The following UTRN variants were observed in gnomAD, a reference collection of about 807,000 sequenced individuals.
UTRN encodes dystrophin-related protein 1.
Under a neutral mutation model 463.9 loss-of-function variants are expected in UTRN, and 283 were observed. The observed-to-expected ratio is 0.61, with a 90% confidence interval of 0.55 to 0.67. The LOEUF is 0.67. UTRN is among the 30% of genes least tolerant of loss of function. The probability of loss-of-function intolerance (pLI) is 0.00; values close to 1 mark genes in which losing one functional copy is unlikely to be tolerated. For synonymous variants in UTRN, 1,442 were observed against 1,431.5 expected (o/e 1.01, Z -0.17); for missense variants, 3,922 against 4,084.3 (o/e 0.96, Z 1.08).
At chr6:144,465,421 T>C (rs1013565011) in intron 23 of UTRN, among the ~76,000 whole-genome samples, 10 of 152,210 alleles carry the variant, frequency 6.6e-5, no homozygotes, top group Non-Finnish European at 5.9e-5. Flanking sequence ...CTTGGAAATA[T>C]TTATTTCCAT....
intron 27 of UTRN, among the ~76,000 whole-genome samples, chr6:144,484,249 T>C (rs1191615469): frequency 6.6e-6 from 1 of 152,032 alleles, no homozygotes; most frequent in Non-Finnish European, 1.5e-5. Context: ...AAAATGTGGC[T>C]CTCTTATATT....
intron 51 of UTRN, among the ~76,000 whole-genome samples, chr6:144,623,901 A>G (rs1211508457): frequency 1.3e-5 from 2 of 152,198 alleles, no homozygotes; most frequent in African/African-American, 4.8e-5. Flanking sequence ...TAGAGGGCAG[A>G]TAAAACTATA....
chr6:144,643,612 C>T (rs1481129800), intron 51 of UTRN, among the ~76,000 whole-genome samples: 1 of 152,024 alleles, frequency 6.6e-6, no homozygotes, highest in African/African-American at 2.4e-5. Flanking sequence ...GCCCGGCCAA[C>T]ATGGTGAAAC....
intron 72 of UTRN, among the ~76,000 whole-genome samples, chr6:144,839,986 C>T (rs747268339): frequency 1.3e-5 from 2 of 151,830 alleles, no homozygotes; most frequent in Non-Finnish European, 2.9e-5. Context: ...GCCTGTAATC[C>T]CAGCTCTTTG....
intron 49 of UTRN, among the ~76,000 whole-genome samples, chr6:144,556,227 T>C (rs1016565869): frequency 5.3e-5 from 8 of 152,148 alleles, no homozygotes; most frequent in Non-Finnish European, 1.0e-4. Flanking sequence ...CAATCGAAAA[T>C]GTGGAAGTAT....
intron 2 of UTRN, among the ~76,000 whole-genome samples, chr6:144,356,844 AAT>A (rs1161967535): frequency 7.0e-6 from 1 of 142,786 alleles, no homozygotes; most frequent in South Asian, 2.3e-4. Context: ...TAAATAAATA[AAT>A]ATATGTGTGT....
intron 65 of UTRN, among the ~76,000 whole-genome samples, chr6:144,815,035 A>G (rs148779641): frequency 7.9e-4 from 121 of 152,364 alleles, no homozygotes; most frequent in African/African-American, 2.9e-3. Flanking sequence ...ACATCTTGTA[A>G]TAGTAGCTAA....
chr6:144,801,918 G>A (rs1176029034), intron 64 of UTRN, among the ~76,000 whole-genome samples: 1 of 152,100 alleles, frequency 6.6e-6, no homozygotes, highest in African/African-American at 2.4e-5. Context: ...CCTCTTCCCA[G>A]CTAACTCAGT....
intron 11 of UTRN, 116 bp downstream of exon 11, chr6:144,437,862 A>G (rs536269847): frequency 9.3e-7 from 1 of 1,074,020 alleles, no homozygotes; most frequent in African/African-American, 1.6e-5. Context: ...GCCTTGGAAA[A>G]GTAAGACTCT....
chr6:144,583,852 G>C (rs1802210281), intron 51 of UTRN, among the ~76,000 whole-genome samples: 1 of 152,072 alleles, frequency 6.6e-6, no homozygotes, highest in Non-Finnish European at 1.5e-5. Context: ...GAAATGTTTG[G>C]AGAAAATATG....
At position 144,305,289 on chromosome 6, in the gene UTRN, A is replaced by T. The variant is rs1375803517; in HGVS notation, c.79+13382A>T. ...GAATGGTACTGTATATAAAGCTCAT[A>T]TACCTGCAGAAATTGCCCTGCAGTG... On this transcript the variant is annotated intron_variant, in intron 2 of 74. Coordinates refer to ENST00000367545, the MANE Select transcript of UTRN (RefSeq NM_007124.3). 2.0e-5 allele frequency among the ~76,000 whole-genome samples: 3 copies of T among 152,238 alleles called. No homozygotes were observed. The East Asian group carries it at 5.8e-4, about 29-fold the overall frequency.
chr6:144,708,408 CCT>C (rs1785309877), intron 53 of UTRN: 1 of 630,548 alleles, frequency 1.6e-6, no homozygotes, highest in East Asian at 3.6e-5. Flanking sequence ...TTGCCTTTGG[CCT>C]CTCATATTTT....
Position 144,838,147 on chromosome 6 carries a change from A to G in UTRN, c.10066-1026A>G, listed in dbSNP as rs150316733. On this transcript the variant is annotated intron_variant, in intron 71 of 74. Transcript: ENST00000367545. ...GCTGTGCTCAAAACCTTTATTTGCCATGGCTGGTTGATGCCCACAGGAGAG... is the reference window on the plus strand; with the variant it reads ...GCTGTGCTCAAAACCTTTATTTGCCGTGGCTGGTTGATGCCCACAGGAGAG... Among the ~76,000 whole-genome samples, 648 of 152,342 alleles carry G rather than the reference A, an allele frequency of 4.3e-3. 2 individuals are homozygous for G. Among genetic ancestry groups the G allele is most frequent in the Admixed American group, 8.8e-3 (135 of 15,304 alleles).
At chr6:144,631,811 A>G (rs1198950970) in intron 51 of UTRN, among the ~76,000 whole-genome samples, 2 of 152,176 alleles carry the variant, frequency 1.3e-5, no homozygotes, top group Non-Finnish European at 2.9e-5. Flanking sequence ...GAACACAATA[A>G]TGTCATACTT....
At chr6:144,473,044 G>GC (rs1790829628) in intron 23 of UTRN, among the ~76,000 whole-genome samples, 1 of 152,164 alleles carries the variant, frequency 6.6e-6, no homozygotes, top group African/African-American at 2.4e-5. Context: ...GGGATTACAA[G>GC]CGTGAGCCAC....
Position 144,765,839 on chromosome 6 carries a change from C to A in UTRN, c.8496-6068C>A, listed in dbSNP as rs569210021. On this transcript the variant is annotated intron_variant, in intron 58 of 74. Coordinates refer to ENST00000367545, the MANE Select transcript of UTRN (RefSeq NM_007124.3). Reference sequence around the variant, plus strand: ...AGGAAGACTCTAAACTTTTGCAGTACCTATTATCAAATAGGATCATATATC... The same window carrying A: ...AGGAAGACTCTAAACTTTTGCAGTAACTATTATCAAATAGGATCATATATC... Among the ~76,000 whole-genome samples, 22 of 152,150 alleles carry A rather than the reference C, an allele frequency of 1.4e-4. No individual in the cohort carries two copies. In the South Asian group the frequency reaches 4.4e-3, roughly 30 times the overall value.
intron 48 of UTRN, among the ~76,000 whole-genome samples, chr6:144,553,758 A>G (rs183256481): frequency 6.6e-6 from 1 of 152,172 alleles, no homozygotes; most frequent in East Asian, 1.9e-4. Flanking sequence ...TAAAAATACA[A>G]AAGTAGCCGG....
intron 50 of UTRN, among the ~76,000 whole-genome samples, chr6:144,563,723 A>G (rs997504635): frequency 2.6e-5 from 4 of 152,188 alleles, no homozygotes; most frequent in African/African-American, 9.6e-5. Flanking sequence ...CAAGCTGGGA[A>G]TAAAGCTGGC....
chr6:144,432,043 G>A (rs1562388450), intron 9 of UTRN, among the ~76,000 whole-genome samples: 1 of 152,076 alleles, frequency 6.6e-6, no homozygotes. Flanking sequence ...ATGAAGGTTT[G>A]TTACATATGT....
Sources: gnomAD v4.1 joint callset for allele counts (sites outside exome capture counted in the v4.1 genomes callset) on GRCh38, gnomAD v4.1.1 for gene constraint, MANE v1.5 for transcripts, NCBI Gene and HGNC (gene_info 2026-07-23, HGNC 2026-07-21) for gene names.